The following LINGO2 variants were observed in gnomAD, a reference collection of about 807,000 sequenced individuals.
The protein encoded by LINGO2 is leucine rich repeat and Ig domain containing 2, also known as leucine-rich repeat and immunoglobulin-like domain-containing nogo receptor-interacting protein 2.
Under a neutral mutation model 30.6 loss-of-function variants are expected in LINGO2, and 14 were observed. The ratio of observed to expected loss-of-function variants is 0.46; its 90% CI spans 0.30 to 0.72. The LOEUF is 0.72. Ranked by LOEUF, LINGO2 falls within the 30% of genes least tolerant of loss-of-function variation. The pLI is 0.07. For missense variants in LINGO2, 729 were observed against 751.7 expected (o/e 0.97, Z 0.35); for synonymous variants, 317 against 288.5 (o/e 1.10, Z -1.00).
chr9:28,360,559 C>T (rs1221280504), intron 3 of LINGO2, among the ~76,000 whole-genome samples: 1 of 152,130 alleles, frequency 6.6e-6, no homozygotes, highest in Non-Finnish European at 1.5e-5. Context: ...GCCCAGTGCC[C>T]TCCACAAGAT....
chr9:28,389,522 A>G (rs1042824457), intron 2 of LINGO2, among the ~76,000 whole-genome samples: 6 of 152,162 alleles, frequency 3.9e-5, no homozygotes, highest in African/African-American at 1.4e-4. Context: ...ACAACCATGC[A>G]CAGAGGCATC....
the LINGO2 span, among the ~76,000 whole-genome samples, chr9:29,046,404 A>G: frequency 3.3e-5 from 5 of 152,184 alleles, no homozygotes; most frequent in African/African-American, 1.2e-4. Context: ...AAACCAGCAC[A>G]TAGACCAATG....
the LINGO2 span, among the ~76,000 whole-genome samples, chr9:28,934,794 G>A: frequency 2.0e-5 from 3 of 152,058 alleles, no homozygotes; most frequent in South Asian, 2.1e-4. Context: ...ATCTAAAATT[G>A]CTTCAATTTC....
At position 28,576,144 on chromosome 9, in the gene LINGO2, T is replaced by C. The variant is rs148795902; in HGVS notation, c.-365+94056A>G. On this transcript the variant is annotated intron_variant, in intron 1 of 5. Coordinates refer to ENST00000379992, the Ensembl canonical transcript of LINGO2. ...TGTGCTTAGAACACTTATATTAGCCTACATTTGGGCAAAATCATTTGGCAA... is the reference window on the plus strand; with the variant it reads ...TGTGCTTAGAACACTTATATTAGCCCACATTTGGGCAAAATCATTTGGCAA... Among the ~76,000 whole-genome samples the C allele has an allele frequency of 5.6e-3, 848 of 152,344 alleles. 10 individuals are homozygous for C. The highest frequency in any genetic ancestry group is 0.02 in the African/African-American group (819 of 41,578).
chr9:28,794,762 T>C, the LINGO2 span, among the ~76,000 whole-genome samples: 2 of 152,144 alleles, frequency 1.3e-5, no homozygotes, highest in African/African-American at 2.4e-5. Context: ...GTGGATGGTA[T>C]GATAGTTAAG....
At chr9:28,096,440 A>G (rs1337365348) in intron 4 of LINGO2, among the ~76,000 whole-genome samples, 2 of 152,194 alleles carry the variant, frequency 1.3e-5, no homozygotes, top group Non-Finnish European at 2.9e-5. Flanking sequence ...AACATGGAAG[A>G]TCTCATATAA....
At chr9:29,114,635 G>T in the LINGO2 span, among the ~76,000 whole-genome samples, 1 of 141,350 alleles carries the variant, frequency 7.1e-6, no homozygotes, top group Non-Finnish European at 1.5e-5. Flanking sequence ...TCCCACCTAT[G>T]AGTGAGAACA....
chr9:28,321,525 C>G (rs1043904375), intron 3 of LINGO2, among the ~76,000 whole-genome samples: 1 of 152,122 alleles, frequency 6.6e-6, no homozygotes, highest in Admixed American at 6.6e-5. Context: ...TTAAGGTTCT[C>G]TGGTTGCAAG....
the LINGO2 span, among the ~76,000 whole-genome samples, chr9:28,746,576 T>C: frequency 6.6e-6 from 1 of 152,116 alleles, no homozygotes; most frequent in South Asian, 2.1e-4. Flanking sequence ...GTGTTATTTA[T>C]ATGACTCAAG....
chr9:28,733,434 T>C, the LINGO2 span, among the ~76,000 whole-genome samples: 2 of 152,148 alleles, frequency 1.3e-5, no homozygotes, highest in African/African-American at 4.8e-5. Flanking sequence ...TTGTGGAAAA[T>C]TGATGGTGAC....
intron 4 of LINGO2, among the ~76,000 whole-genome samples, chr9:28,159,884 G>A (rs1248178023): frequency 6.6e-6 from 1 of 152,114 alleles, no homozygotes; most frequent in Admixed American, 6.5e-5. Flanking sequence ...CACAGGTAGA[G>A]AGTAATTGAG....
rs1352583667 is a variant in LINGO2 at position 28,129,705 on chromosome 9, T to G, written c.-86-117300A>C. The G allele has an allele frequency of 6.6e-6, 1 of 152,218 alleles. No individual in the cohort carries two copies. Among genetic ancestry groups the G allele is most frequent in the Non-Finnish European group, 1.5e-5 (1 of 68,046 alleles). The allele number at this position is 152,218 out of a possible 1,614,324, so 9.4% of individuals were successfully genotyped here. Reference sequence around the variant, plus strand: ...TTTTATTAGTGGTCCCATTGTAAATTTGAAAATTTCATTGCTCAAATGTAC... The same window carrying G: ...TTTTATTAGTGGTCCCATTGTAAATGTGAAAATTTCATTGCTCAAATGTAC... On this transcript the variant is annotated intron_variant, in intron 4 of 5. Coordinates refer to ENST00000379992, the Ensembl canonical transcript of LINGO2. The surrounding 1 kb of genome is among the most constrained non-coding windows in gnomAD (Gnocchi z 4.0).
chr9:28,955,654 A>G, the LINGO2 span, among the ~76,000 whole-genome samples: 1 of 152,168 alleles, frequency 6.6e-6, no homozygotes, highest in Non-Finnish European at 1.5e-5. Context: ...TCACTTATCA[A>G]ATCTCACTGG....
At chr9:27,945,977 C>T (rs1272657404), downstream of LINGO2, among the ~76,000 whole-genome samples, 4 of 152,048 alleles carry the variant, frequency 2.6e-5, no homozygotes. Context: ...TTTTGGTAGT[C>T]TATCGGAGGC....
At chr9:28,770,178 C>T in the LINGO2 span, among the ~76,000 whole-genome samples, 762 of 152,280 alleles carry the variant, frequency 5.0e-3, 3 homozygotes, top group Non-Finnish European at 8.0e-3. Context: ...TTTGAGAATT[C>T]ACTAGGTCTG....
chr9:28,167,156 T>C (rs1278704425), intron 4 of LINGO2, among the ~76,000 whole-genome samples: 1 of 137,298 alleles, frequency 7.3e-6, no homozygotes, highest in African/African-American at 2.6e-5. Context: ...CCCCCCACTT[T>C]TCTTTTCTCC....
intron 4 of LINGO2, among the ~76,000 whole-genome samples, chr9:28,049,327 C>A (rs1824564742): frequency 6.6e-6 from 1 of 150,846 alleles, no homozygotes; most frequent in Non-Finnish European, 1.5e-5. Flanking sequence ...CATTAAGTTA[C>A]AACATAGTAC....
At chr9:28,193,551 T>C (rs775277747) in intron 4 of LINGO2, among the ~76,000 whole-genome samples, 42 of 151,996 alleles carry the variant, frequency 2.8e-4, no homozygotes, top group Admixed American at 4.6e-4. Flanking sequence ...ATTAAACACA[T>C]TATATAAAGC....
intron 2 of LINGO2, among the ~76,000 whole-genome samples, chr9:28,414,580 T>C (rs1166812426): frequency 1.3e-5 from 2 of 152,104 alleles, no homozygotes; most frequent in African/African-American, 4.8e-5. Flanking sequence ...AAGTTCCAAC[T>C]ATTTGTTTAA....
Sources: gnomAD v4.1 joint callset for allele counts (sites outside exome capture counted in the v4.1 genomes callset) on GRCh38, gnomAD v4.1.1 for gene constraint, Gnocchi (gnomAD v3.1) non-coding constraint, MANE v1.5 for transcripts, NCBI Gene and HGNC (gene_info 2026-07-23, HGNC 2026-07-21) for gene names.